CCDC85A: variants seen among roughly 807,000 people sequenced by gnomAD.
The protein encoded by CCDC85A is coiled-coil domain-containing protein 85A.
A neutral mutation model predicts 50.2 loss-of-function variants in CCDC85A; 38 were observed. That is an observed-to-expected ratio of 0.76 (90% CI 0.58 to 0.99). CCDC85A has a LOEUF of 0.99. Ranked by LOEUF, CCDC85A falls within the 50% of genes least tolerant of loss-of-function variation. The probability of loss-of-function intolerance (pLI) is 0.00; values close to 1 mark genes in which losing one functional copy is unlikely to be tolerated. For synonymous variants in CCDC85A, 366 were observed against 301.4 expected, an observed-to-expected ratio of 1.21 and a Z score of -2.22; for missense variants, 820 against 742.0, an observed-to-expected ratio of 1.11 and a Z score of -1.22.
At chr2:56,215,175 G>T (rs1489431603) in intron 2 of CCDC85A, among the ~76,000 whole-genome samples, 1 of 151,824 alleles carries the variant, frequency 6.6e-6, no homozygotes, top group Non-Finnish European at 1.5e-5. Flanking sequence ...CCAGTTGTTT[G>T]TTGCTGGTAT....
chr2:56,305,022 G>C (rs1427787096), intron 2 of CCDC85A, among the ~76,000 whole-genome samples: 1 of 151,456 alleles, frequency 6.6e-6, no homozygotes, highest in Non-Finnish European at 1.5e-5. Context: ...AGAATCGCTT[G>C]AACCCAGGAG....
intron 2 of CCDC85A, among the ~76,000 whole-genome samples, chr2:56,340,935 T>C (rs777121708): frequency 9.3e-5 from 14 of 150,906 alleles, no homozygotes; most frequent in Non-Finnish European, 1.8e-4. Context: ...AAAGTACATT[T>C]GGAAGAGAGT....
intron 2 of CCDC85A, among the ~76,000 whole-genome samples, chr2:56,229,660 T>G (rs1668696758): frequency 6.6e-6 from 1 of 152,168 alleles, no homozygotes; most frequent in Non-Finnish European, 1.5e-5. Flanking sequence ...TTTTTTTGTT[T>G]GGTCTATTTG....
intron 3 of CCDC85A, among the ~76,000 whole-genome samples, chr2:56,353,555 A>C (rs1282850265): frequency 6.6e-6 from 1 of 152,170 alleles, no homozygotes; most frequent in Non-Finnish European, 1.5e-5. Flanking sequence ...GTCAGGATGA[A>C]GGGCTATTTA....
chr2:56,335,249 A>G (rs1322663831), intron 2 of CCDC85A, among the ~76,000 whole-genome samples: 1 of 152,218 alleles, frequency 6.6e-6, no homozygotes, highest in Non-Finnish European at 1.5e-5. Flanking sequence ...AATTTTTAAA[A>G]TACACAGTTC....
Position 56,322,620 on chromosome 2 carries a change from C to T in CCDC85A, c.1241-20259C>T, listed in dbSNP as rs189031954. Among the ~76,000 whole-genome samples, 386 of 152,168 alleles carry T rather than the reference C, an allele frequency of 2.5e-3. 7 individuals are homozygous for T. Among genetic ancestry groups the T allele is most frequent in the Non-Finnish European group, 2.8e-4 (19 of 68,016 alleles). On this transcript the variant is annotated intron_variant, in intron 2 of 5. Coordinates refer to ENST00000407595, the MANE Select transcript of CCDC85A (RefSeq NM_001080433.2). ...TACCATCTCACACCAGTTAGAATGG[C>T]GATCATTAAAAAGTCAGGAGACAAC...
intron 2 of CCDC85A, among the ~76,000 whole-genome samples, chr2:56,193,894 C>T (rs576877343): frequency 6.6e-6 from 1 of 152,268 alleles, no homozygotes; most frequent in South Asian, 2.1e-4. Flanking sequence ...ATGAATATTT[C>T]TATGAAAAAC....
chr2:56,217,165 A>G (rs1375459457), intron 2 of CCDC85A, among the ~76,000 whole-genome samples: 1 of 151,920 alleles, frequency 6.6e-6, no homozygotes, highest in Non-Finnish European at 1.5e-5. Flanking sequence ...TATCTCTCCC[A>G]TGATATTCTG....
intron 3 of CCDC85A, among the ~76,000 whole-genome samples, chr2:56,362,626 C>T (rs1380292429): frequency 1.3e-5 from 2 of 151,492 alleles, no homozygotes; most frequent in African/African-American, 4.8e-5. Context: ...GATGAAGTCT[C>T]GCTCTGTTGC....
intron 2 of CCDC85A, among the ~76,000 whole-genome samples, chr2:56,285,518 TTAA>T (rs1654899936): frequency 1.4e-5 from 2 of 146,190 alleles, no homozygotes; most frequent in South Asian, 4.2e-4. Flanking sequence ...GTATATTATA[TTAA>T]TAATGTAATT....
At chr2:56,271,206 T>C (rs1311640207) in intron 2 of CCDC85A, among the ~76,000 whole-genome samples, 3 of 152,198 alleles carry the variant, frequency 2.0e-5, no homozygotes, top group African/African-American at 7.2e-5. Flanking sequence ...GGGTCAGTTA[T>C]GTAGGGCTAT....
chr2:56,204,841 G>A (rs1676899086), intron 2 of CCDC85A, among the ~76,000 whole-genome samples: 1 of 152,188 alleles, frequency 6.6e-6, no homozygotes, highest in Non-Finnish European at 1.5e-5. Flanking sequence ...AATTCATCTA[G>A]CAATATCAGA....
At chr2:56,340,042 A>G (rs1055971056) in intron 2 of CCDC85A, among the ~76,000 whole-genome samples, 3 of 152,134 alleles carry the variant, frequency 2.0e-5, no homozygotes, top group Non-Finnish European at 4.4e-5. Context: ...CTCAAAGCTA[A>G]TTGTCTCCAA....
intron 2 of CCDC85A, among the ~76,000 whole-genome samples, chr2:56,234,579 A>C (rs578059620): frequency 6.6e-6 from 1 of 151,520 alleles, no homozygotes; most frequent in African/African-American, 2.4e-5. Context: ...TCATCTTGCA[A>C]CTCCTCAGTC....
chr2:56,221,322 C>T (rs1280273708), intron 2 of CCDC85A, among the ~76,000 whole-genome samples: 1 of 151,926 alleles, frequency 6.6e-6, no homozygotes, highest in African/African-American at 2.4e-5. Context: ...AACCAGGTTC[C>T]ATTTAACCGA....
chr2:56,187,469 G>T (rs1676100293), intron 1 of CCDC85A, among the ~76,000 whole-genome samples: 1 of 152,186 alleles, frequency 6.6e-6, no homozygotes, highest in African/African-American at 2.4e-5. Context: ...GGGAGGCAGG[G>T]CAGTGCAGGG....
intron 2 of CCDC85A, among the ~76,000 whole-genome samples, chr2:56,218,808 G>A (rs1474622490): frequency 6.6e-6 from 1 of 151,490 alleles, no homozygotes; most frequent in Non-Finnish European, 1.5e-5. Flanking sequence ...GGAGAGATTG[G>A]GCAAAATTTA....
intron 2 of CCDC85A, among the ~76,000 whole-genome samples, chr2:56,214,237 C>T (rs1263596548): frequency 6.6e-6 from 1 of 151,904 alleles, no homozygotes; most frequent in Non-Finnish European, 1.5e-5. Flanking sequence ...CCTCATTTCT[C>T]TCATTTGTAA....
At chr2:56,215,980 T>C (rs1407206151) in intron 2 of CCDC85A, among the ~76,000 whole-genome samples, 1 of 151,956 alleles carries the variant, frequency 6.6e-6, no homozygotes, top group Non-Finnish European at 1.5e-5. Context: ...GCCATGTGCA[T>C]TGATTTATTT....
Sources: allele counts gnomAD v4.1 joint callset (sites outside exome capture counted in the v4.1 genomes callset), GRCh38; gene constraint gnomAD v4.1.1; transcripts MANE v1.5; gene names NCBI Gene and HGNC (gene_info 2026-07-23, HGNC 2026-07-21).